SPATA20: variants seen among roughly 807,000 people sequenced by gnomAD.
SPATA20 encodes spermatogenesis associated 20.
Under a neutral mutation model 98.9 loss-of-function variants are expected in SPATA20, and 74 were observed. The ratio of observed to expected loss-of-function variants is 0.75; its 90% CI spans 0.62 to 0.91. The LOEUF is 0.91. Ranked by LOEUF, SPATA20 falls within the 40% of genes least tolerant of loss-of-function variation. The pLI, the probability that SPATA20 is intolerant of heterozygous loss-of-function variation, is 0.00. For synonymous variants in SPATA20, 430 were observed against 440.5 expected, an observed-to-expected ratio of 0.98 and a Z score of 0.30; for missense variants, 1,016 against 1,069.8, an observed-to-expected ratio of 0.95 and a Z score of 0.70.
chr17:50,555,355 G>T, intron 16 of SPATA20, 43 bp downstream of exon 16: 2 of 1,599,024 alleles, frequency 1.3e-6, no homozygotes, highest in East Asian at 2.2e-5. Context: ...CCCCAGAGCT[G>T]CCCCCTCCCA....
Position 50,554,572 on chromosome 17 carries a change from C to T in SPATA20, c.2157+122C>T, listed in dbSNP as rs1308701400. The T allele has an allele frequency of 6.1e-6, 6 of 982,174 alleles. No homozygotes were observed. In the Admixed American group the frequency reaches 7.5e-5, roughly 12 times the overall value. 60.8% of individuals were successfully genotyped at this position (982,174 alleles called of 1,614,324 possible). On this transcript the variant is annotated intron_variant, in intron 15 of 16. Transcript: ENST00000006658. ...CCCAGAGCTCAGGTCTGTGTGTGTG[C>T]AGGCACGTGGCCTGTCAGACAGGGA...
chr17:50,551,453 G>A, intron 12 of SPATA20, 58 bp from the exon 13 acceptor site: 2 of 1,541,282 alleles, frequency 1.3e-6, no homozygotes, highest in Non-Finnish European at 1.8e-6. Context: ...TGATAGGGTG[G>A]ACATGCCTGG....
rs374253806 is a variant in SPATA20 at position 50,549,150 on chromosome 17, C to A, written c.624C>A (p.Val208=). The change falls in exon 6 of 17, where the codon GTC becomes GTA. Residue 208 remains valine, a synonymous_variant. Transcript: ENST00000006658. ...CTCCTGAGGATGGCTTGACCCGAGT[C>A]GGCTTCCGCACAGTGTTGCTGAGAA... ...YFPPEDGLTR[V]GFRTVLLRIR... 1.9e-6 allele frequency: 3 copies of A among 1,608,606 alleles called. No homozygotes were observed. The highest frequency in any genetic ancestry group is 2.5e-6 in the Non-Finnish European group (3 of 1,177,180).
intron 15 of SPATA20, 35 bp downstream of exon 15, chr17:50,554,485 G>A (rs1347468744): frequency 1.3e-6 from 2 of 1,599,564 alleles, no homozygotes; most frequent in Admixed American, 1.7e-5. Flanking sequence ...GGGACCTCGG[G>A]TAGGAGGGAA....
At chr17:50,547,890 G>A in intron 2 of SPATA20, 123 bp downstream of exon 2, 1 of 1,313,726 alleles carries the variant, frequency 7.6e-7, no homozygotes, top group Non-Finnish European at 1.1e-6. Context: ...CTTCCAGTGG[G>A]GCCACACCCA....
chr17:50,555,682 G>T lies in SPATA20; in HGVS notation c.*20G>T, dbSNP rs11559099. 6.2e-7 allele frequency: 1 copy of T among 1,602,526 alleles called. No individual in the cohort carries two copies. The highest frequency in any genetic ancestry group is 1.4e-5 in the African/African-American group (1 of 74,068). ...CCATGACTGCCCCAACCCCCTTGGGGTGGGGCAGAAGGTGAAGCATCCCAA... is the reference window on the plus strand; with the variant it reads ...CCATGACTGCCCCAACCCCCTTGGGTTGGGGCAGAAGGTGAAGCATCCCAA... On this transcript the variant is annotated 3_prime_UTR_variant, in exon 17 of 17. Coordinates refer to ENST00000006658, the MANE Select transcript of SPATA20 (RefSeq NM_022827.4).
At chr17:50,550,652 G>A in intron 10 of SPATA20, 42 bp downstream of exon 10, 1 of 1,612,560 alleles carries the variant, frequency 6.2e-7, no homozygotes, top group East Asian at 2.2e-5. Flanking sequence ...TGTGGGAGGG[G>A]TTGGGGCCTC....
In SPATA20 at chr17:50,550,724, G is replaced by A. The variant is rs2144060722; in HGVS notation, c.1190G>A (p.Ser397Asn). 6.2e-7 allele frequency: 1 copy of A among 1,613,372 alleles called. No individual in the cohort carries two copies. Among genetic ancestry groups the A allele is most frequent in the East Asian group, 2.2e-5 (1 of 44,890 alleles). The change falls in exon 11 of 17, where the codon AGC becomes AAC. Residue 397 changes from serine to asparagine, a missense_variant. By Grantham distance (46) the Ser-to-Asn change is conservative. Coordinates refer to ENST00000006658, the MANE Select transcript of SPATA20 (RefSeq NM_022827.4). ...TCCCCACAGTCCGGAGGCTTCTATA[G>A]CGCAGAAGATGCAGACTCGCCCCCA... ...SLSHRSGGFY[S>N]AEDADSPPER...
Position 50,547,293 on chromosome 17 carries a change from C to A in SPATA20, c.77+8C>A. 2.2e-6 allele frequency: 3 copies of A among 1,378,288 alleles called. No homozygotes were observed. The highest frequency in any genetic ancestry group is 2.8e-6 in the Non-Finnish European group (3 of 1,073,372). The allele number at this position is 1,378,288 out of a possible 1,614,324, so 85.4% of individuals were successfully genotyped here. On this transcript the variant is annotated splice_region_variant and intron_variant, in intron 1 of 16. Coordinates refer to ENST00000006658, the MANE Select transcript of SPATA20 (RefSeq NM_022827.4). Reference sequence around the variant, plus strand: ...CCTCGCCGCGAGCCGCAGGTACGGGCGGGCGAGCGGGCCCCTAGGGCACTC... The same window carrying A: ...CCTCGCCGCGAGCCGCAGGTACGGGAGGGCGAGCGGGCCCCTAGGGCACTC...
At chr17:50,550,338 A>G in intron 9 of SPATA20, 26 bp downstream of exon 9, 1 of 1,537,266 alleles carries the variant, frequency 6.5e-7, no homozygotes, top group Non-Finnish European at 8.9e-7. Context: ...AGCCCAGAGA[A>G]CAGGCATCTC....
In SPATA20 at chr17:50,550,271, G is replaced by T; in HGVS notation, c.1057G>T (p.Asp353Tyr). ...HVPHFEKMLYDQAQLAVAYSQ... is the reference protein window; with the variant it reads ...HVPHFEKMLYYQAQLAVAYSQ... The stretch of plus-strand genomic sequence containing the variant: ...CCCTCACTTTGAGAAGATGCTCTAT[G>T]ACCAGGCACAGCTCGCTGTGGCCTA... The change falls in exon 9 of 17, where the codon GAC becomes TAC. Residue 353 changes from aspartate to tyrosine, a missense_variant. Asp to Tyr is a radical substitution (Grantham distance 160). Coordinates refer to ENST00000006658, the MANE Select transcript of SPATA20 (RefSeq NM_022827.4). 1 of 1,606,424 alleles carries T rather than the reference G, an allele frequency of 6.2e-7. No individual in the cohort carries two copies. The highest frequency in any genetic ancestry group is 1.1e-5 in the South Asian group (1 of 90,546).
Position 50,552,093 on chromosome 17 carries a change from G to A in SPATA20, c.1870G>A (p.Asp624Asn). The A allele has an allele frequency of 6.2e-7, 1 of 1,613,878 alleles. No homozygotes were observed. Among genetic ancestry groups the A allele is most frequent in the Non-Finnish European group, 8.5e-7 (1 of 1,179,990 alleles). Residue 624 changes from aspartate to asparagine, a missense_variant, in exon 14 of 17, where the codon GAC becomes AAC. Asp to Asn is a conservative substitution (Grantham distance 23, BLOSUM62 1). Transcript: ENST00000006658. ...EWALRLQDTQ[D>N]KLFWDSQGGG... ...GGCTCTGCGGCTGCAGGACACACAG[G>A]ACAAGCTCTTTTGGGACTCCCAGGG...
rs1407149114 is a variant in SPATA20, at chr17:50,548,804, G to C, written c.362-6G>C. On this transcript the variant is annotated splice_polypyrimidine_tract_variant and splice_region_variant and intron_variant, in intron 4 of 16. Coordinates refer to ENST00000006658, the MANE Select transcript of SPATA20 (RefSeq NM_022827.4). ...CCCCCTGACCTCTCCCCATGGCCCTGTTCAGTCGGGTACTCCACCTGCCAC... is the reference window on the plus strand; with the variant it reads ...CCCCCTGACCTCTCCCCATGGCCCTCTTCAGTCGGGTACTCCACCTGCCAC... The C allele has an allele frequency of 6.2e-7, 1 of 1,610,302 alleles. No individual in the cohort carries two copies. Among genetic ancestry groups the C allele is most frequent in the South Asian group, 1.1e-5 (1 of 90,364 alleles).
In SPATA20 at chr17:50,554,324, C is replaced by T; in HGVS notation, c.2031C>T (p.Gly677=). The T allele has an allele frequency of 1.2e-6, 2 of 1,614,190 alleles. No homozygotes were observed. The highest frequency in any genetic ancestry group is 1.7e-6 in the Non-Finnish European group (2 of 1,180,036). The change falls in exon 15 of 17, where the codon GGC becomes GGT. Residue 677 remains glycine, a synonymous_variant. Transcript: ENST00000006658. ...HNLLRLHGFT[G]HKDWMDKCVC... is the part of the protein sequence containing the mutation. ...TGCTCCGGCTGCATGGCTTCACGGGCCACAAGGACTGGATGGACAAGTGTG... is the reference window on the plus strand; with the variant it reads ...TGCTCCGGCTGCATGGCTTCACGGGTCACAAGGACTGGATGGACAAGTGTG...
Position 50,550,287 on chromosome 17 carries a change from C to A in SPATA20, c.1073C>A (p.Ala358Asp). The change falls in exon 9 of 17, where the codon GCT becomes GAT. Residue 358 changes from alanine to aspartate, a missense_variant. Physicochemically the swap from Ala to Asp is moderately radical, Grantham distance 126 (BLOSUM62 -2). Transcript: ENST00000006658. ...EKMLYDQAQL[A>D]VAYSQAFQLS... ...ATGCTCTATGACCAGGCACAGCTCG[C>A]TGTGGCCTATTCGCAGGCCTTCCAG... 1 of 1,597,952 alleles carries A rather than the reference C, an allele frequency of 6.3e-7. No individual in the cohort carries two copies. The highest frequency in any genetic ancestry group is 1.1e-5 in the South Asian group (1 of 89,480).
intron 13 of SPATA20, 136 bp from the exon 14 acceptor site, chr17:50,551,833 G>T: frequency 8.4e-7 from 1 of 1,186,722 alleles, no homozygotes; most frequent in Non-Finnish European, 1.2e-6. Flanking sequence ...ACTCATCTGG[G>T]AAGTGGGCTG....
In SPATA20 at chr17:50,548,970, C is replaced by T. The variant is rs2144055353; in HGVS notation, c.516+6C>T. 2 of 1,614,148 alleles carry T rather than the reference C, an allele frequency of 1.2e-6. No individual in the cohort carries two copies. Among genetic ancestry groups the T allele is most frequent in the East Asian group, 2.2e-5 (1 of 44,886 alleles). ...TGTACATGACGTTCGTGCAGGTGAGCAGCCCTCCTCGGGAGTGTATGCGCC... is the reference window on the plus strand; with the variant it reads ...TGTACATGACGTTCGTGCAGGTGAGTAGCCCTCCTCGGGAGTGTATGCGCC... On this transcript the variant is annotated splice_donor_region_variant and intron_variant, in intron 5 of 16. Coordinates refer to ENST00000006658, the MANE Select transcript of SPATA20 (RefSeq NM_022827.4).
At chr17:50,551,415 G>A in intron 12 of SPATA20, 96 bp from the exon 13 acceptor site, 1 of 1,400,026 alleles carries the variant, frequency 7.1e-7, no homozygotes, top group South Asian at 1.4e-5. Flanking sequence ...GATCACCCAT[G>A]GCTCCAGGGA....
chr17:50,550,069 C>T lies in SPATA20; in HGVS notation c.947C>T (p.Thr316Ile). The change falls in exon 8 of 17, where the codon ACC (threonine) becomes ATC (isoleucine). Residue 316 changes from threonine (T) to isoleucine (I), a missense_variant. Thr to Ile is a moderately conservative substitution (Grantham distance 89, BLOSUM62 -1). Coordinates refer to ENST00000006658, the MANE Select transcript of SPATA20 (RefSeq NM_022827.4). ...GSRAQQMALHTLKMMANGGIR... is the reference protein window; with the variant it reads ...GSRAQQMALHILKMMANGGIR... ...CGGGCCCAGCAGATGGCCTTGCATA[C>T]CCTGAAAATGATGGCTAACGGGGGC... 3 of 1,611,900 alleles carry T rather than the reference C, an allele frequency of 1.9e-6. No individual in the cohort carries two copies. Among genetic ancestry groups the T allele is most frequent in the Non-Finnish European group, 2.5e-6 (3 of 1,178,738 alleles).
Sources: allele counts gnomAD v4.1 joint callset, GRCh38; gene constraint gnomAD v4.1.1; transcripts MANE v1.5; gene names NCBI Gene and HGNC (gene_info 2026-07-23, HGNC 2026-07-21).